The following GCSAML variants were observed in gnomAD, a reference collection of about 807,000 sequenced individuals.
GCSAML encodes germinal center-associated signaling and motility-like protein.
Under a neutral mutation model 13.0 loss-of-function variants are expected in GCSAML, and 9 were observed. That is an observed-to-expected ratio of 0.69 (90% CI 0.42 to 1.21). GCSAML has a LOEUF of 1.21. GCSAML is among the 50% of genes most tolerant of loss of function. GCSAML has a pLI of 0.00. For missense variants in GCSAML, 143 were observed against 153.4 expected, an observed-to-expected ratio of 0.93 and a Z score of 0.36; for synonymous variants, 37 against 52.9, an observed-to-expected ratio of 0.70 and a Z score of 1.31.
At chr1:247,509,163 G>T (rs1665926508) in intron 1 of GCSAML, among the ~76,000 whole-genome samples, 1 of 152,126 alleles carries the variant, frequency 6.6e-6, no homozygotes, top group South Asian at 2.1e-4. Flanking sequence ...CCATTTGTTT[G>T]TGTCCTTTCT....
chr1:247,524,997 G>A (rs1666619576), intron 1 of GCSAML: 1 of 152,178 alleles, frequency 6.6e-6, no homozygotes, highest in South Asian at 2.1e-4. Context: ...AGATTTGCAA[G>A]TAAAACTAAA....
chr1:247,569,190 C>T (rs558463883), intron 4 of GCSAML, among the ~76,000 whole-genome samples: 1 of 152,074 alleles, frequency 6.6e-6, no homozygotes, highest in Non-Finnish European at 1.5e-5. Flanking sequence ...ATTTGAATAC[C>T]CTTTATTTCT....
chr1:247,518,582 A>C (rs942119943), intron 1 of GCSAML: 2 of 152,378 alleles, frequency 1.3e-5, no homozygotes, highest in African/African-American at 4.8e-5. Flanking sequence ...GAAAGCCCGC[A>C]GCCGCTGGAC....
intron 1 of GCSAML, among the ~76,000 whole-genome samples, chr1:247,513,485 C>G (rs2103299354): frequency 6.6e-6 from 1 of 152,352 alleles, no homozygotes; most frequent in East Asian, 1.9e-4. Flanking sequence ...ACTTGGCTTC[C>G]TGGCTTCAGC....
intron 4 of GCSAML, among the ~76,000 whole-genome samples, chr1:247,573,419 A>C (rs1388054392): frequency 6.6e-6 from 1 of 152,118 alleles, no homozygotes; most frequent in East Asian, 1.9e-4. Context: ...ATGGTCCTTC[A>C]TGGCTTCCCT....
intron 2 of GCSAML, chr1:247,538,856 AC>A: frequency 2.3e-6 from 1 of 435,124 alleles, no homozygotes; most frequent in South Asian, 1.7e-5. Flanking sequence ...TGATATCTCG[AC>A]CTGCCTAATA....
At chr1:247,509,444 T>G (rs1358125455) in intron 1 of GCSAML, among the ~76,000 whole-genome samples, 1 of 152,232 alleles carries the variant, frequency 6.6e-6, no homozygotes, top group Non-Finnish European at 1.5e-5. Context: ...AATCATGTCA[T>G]CTGCAAACAG....
At chr1:247,566,856 A>G (rs1668394042) in intron 4 of GCSAML, among the ~76,000 whole-genome samples, 1 of 151,766 alleles carries the variant, frequency 6.6e-6, no homozygotes, top group Non-Finnish European at 1.5e-5. Context: ...TTTTCTTAGT[A>G]TTTTATCTTA....
At chr1:247,559,362 AATAG>A (rs1668049160) in intron 2 of GCSAML, among the ~76,000 whole-genome samples, 1 of 152,008 alleles carries the variant, frequency 6.6e-6, no homozygotes, top group Non-Finnish European at 1.5e-5. Context: ...ATGGATTCTA[AATAG>A]TTTGGTGTGT....
chr1:247,512,357 T>C (rs888684097), intron 1 of GCSAML, among the ~76,000 whole-genome samples: 2 of 152,000 alleles, frequency 1.3e-5, no homozygotes, highest in African/African-American at 4.8e-5. Flanking sequence ...TTCAGCTCCA[T>C]CAGGTCATTT....
intron 2 of GCSAML, chr1:247,538,570 T>G: frequency 2.9e-6 from 1 of 339,916 alleles, no homozygotes; most frequent in South Asian, 2.3e-5. Context: ...TTTATAAGAG[T>G]GGCAGCCTAA....
At chr1:247,534,595 G>T (rs1452528508) in intron 2 of GCSAML, among the ~76,000 whole-genome samples, 1 of 152,070 alleles carries the variant, frequency 6.6e-6, no homozygotes, top group Non-Finnish European at 1.5e-5. Context: ...AGACCTTTGG[G>T]GCCCTTCTTT....
At chr1:247,525,318 G>T (rs1321033661) in intron 1 of GCSAML, 1 of 152,186 alleles carries the variant, frequency 6.6e-6, no homozygotes, top group Non-Finnish European at 1.5e-5. Flanking sequence ...AATAACGCCA[G>T]GTCTGCTGGG....
chr1:247,520,827 G>A (rs1666389809), intron 1 of GCSAML, among the ~76,000 whole-genome samples: 1 of 152,124 alleles, frequency 6.6e-6, no homozygotes. Flanking sequence ...TTGCAAAAAG[G>A]GAAAAGGGGA....
At chr1:247,512,435 C>G (rs190434258) in intron 1 of GCSAML, among the ~76,000 whole-genome samples, 106 of 152,074 alleles carry the variant, frequency 7.0e-4, no homozygotes, top group African/African-American at 2.5e-3. Context: ...TTCTTAGCTT[C>G]CTTGCATTGG....
intron 1 of GCSAML, among the ~76,000 whole-genome samples, chr1:247,552,851 G>A (rs1330434685): frequency 1.3e-5 from 2 of 152,116 alleles, no homozygotes; most frequent in East Asian, 3.9e-4. Context: ...CACCTTCCAG[G>A]TTCAAGCGAT....
At chr1:247,563,821 T>C (rs1021392686) in intron 3 of GCSAML, among the ~76,000 whole-genome samples, 182 bp downstream of exon 3, 7 of 152,210 alleles carry the variant, frequency 4.6e-5, no homozygotes, top group Non-Finnish European at 1.0e-4. Context: ...ATATTATTTT[T>C]TGAGTGACAT....
chr1:247,507,367 C>T (rs1323498628), intron 1 of GCSAML: 1 of 152,044 alleles, frequency 6.6e-6, no homozygotes, highest in Non-Finnish European at 1.5e-5. Flanking sequence ...GGAAATTATT[C>T]AAGAAGAAAT....
At chr1:247,516,866 T>A (rs1666230439) in intron 1 of GCSAML, among the ~76,000 whole-genome samples, 2 of 152,200 alleles carry the variant, frequency 1.3e-5, no homozygotes, top group South Asian at 2.1e-4. Context: ...TTTCAGTTAA[T>A]TTCTTAATTA....
Sources: gnomAD v4.1 joint callset for allele counts (sites outside exome capture counted in the v4.1 genomes callset) on GRCh38, gnomAD v4.1.1 for gene constraint, MANE v1.5 for transcripts, NCBI Gene and HGNC (gene_info 2026-07-23, HGNC 2026-07-21) for gene names.